Variants in TTI1 observed in about 807,000 individuals in gnomAD.
TTI1 encodes the protein TELO2-interacting protein 1 homolog.
A neutral mutation model predicts 85.4 loss-of-function variants in TTI1; 52 were observed. That is an observed-to-expected ratio of 0.61 (90% CI 0.49 to 0.77). TTI1 has a LOEUF of 0.77. Ranked by LOEUF, TTI1 falls within the 30% of genes least tolerant of loss-of-function variation. The pLI is 0.00. For synonymous variants in TTI1, 512 were observed against 503.9 expected (o/e 1.02, Z -0.22); for missense variants, 1,173 against 1,296.0 (o/e 0.91, Z 1.46).
In TTI1 at chr20:37,983,519, C is replaced by G. The variant is rs748670710; in HGVS notation, c.3207G>C (p.Gly1069=). 8.1e-6 allele frequency: 13 copies of G among 1,611,316 alleles called. No individual in the cohort carries two copies. The highest frequency in any genetic ancestry group is 1.1e-5 in the Non-Finnish European group (13 of 1,179,434). Residue 1069 remains glycine, a synonymous_variant, in exon 8 of 8, where the codon GGG becomes GGC. Transcript: ENST00000373447. The part of the protein sequence containing the change: ...HPSLHPVQLH[G]ASGQQNPYTT... ...TGTAGGGGTTCTGCTGCCCGCTGGCCCCGTGCAGCTGCACAGGGTGGAGGC... is the reference window on the plus strand; with the variant it reads ...TGTAGGGGTTCTGCTGCCCGCTGGCGCCGTGCAGCTGCACAGGGTGGAGGC...
intron 1 of TTI1, among the ~76,000 whole-genome samples, chr20:38,030,211 G>A (rs916894157): frequency 5.3e-5 from 8 of 151,596 alleles, no homozygotes; most frequent in Non-Finnish European, 8.8e-5. Flanking sequence ...AAAGGAAGAA[G>A]GGAAGGAAGG....
intron 4 of TTI1, among the ~76,000 whole-genome samples, chr20:38,000,677 A>G (rs1374480300): frequency 6.6e-6 from 1 of 152,232 alleles, no homozygotes; most frequent in Non-Finnish European, 1.5e-5. Context: ...GCCAGGGAGT[A>G]AGAGAAAGCT....
intron 1 of TTI1, among the ~76,000 whole-genome samples, chr20:38,026,395 G>C (rs1367095249): frequency 2.0e-5 from 3 of 152,170 alleles, no homozygotes; most frequent in Non-Finnish European, 2.9e-5. Context: ...CTGGCCTCAA[G>C]TGATCCACCC....
At chr20:38,026,436 G>A (rs769097121) in intron 1 of TTI1, among the ~76,000 whole-genome samples, 3 of 152,182 alleles carry the variant, frequency 2.0e-5, no homozygotes, top group Non-Finnish European at 4.4e-5. Context: ...TGGGATTACA[G>A]TGTGAGCCAC....
At chr20:38,015,118 GA>G (rs1476078314) in intron 1 of TTI1, among the ~76,000 whole-genome samples, 14 of 152,132 alleles carry the variant, frequency 9.2e-5, no homozygotes, top group Admixed American at 8.5e-4. Context: ...GAACACTCCC[GA>G]ACTCGGTGGC....
rs748816973 is a variant in TTI1 at position 37,983,429 on chromosome 20, G to A, written c.*27C>T. Reference sequence around the variant, plus strand: ...TCTGGCTGGCAGTAGGGGAGGGATCGGTGGCCTCTGTGGTGGGGGAGCAGG... The same window carrying A: ...TCTGGCTGGCAGTAGGGGAGGGATCAGTGGCCTCTGTGGTGGGGGAGCAGG... On this transcript the variant is annotated 3_prime_UTR_variant, in exon 8 of 8. Transcript: ENST00000373447. 1.9e-5 allele frequency: 30 copies of A among 1,602,422 alleles called. No individual in the cohort carries two copies. In the Admixed American group the frequency reaches 4.2e-4, roughly 23 times the overall value.
intron 1 of TTI1, among the ~76,000 whole-genome samples, chr20:38,020,323 A>AAATATATATATATATATATATATAT: frequency 7.9e-5 from 4 of 50,390 alleles, no homozygotes; most frequent in African/African-American, 2.7e-4. Context: ...AAAAAAAAAA[A>AAATATATATATATATATATATATAT]ATATATATAT....
At chr20:38,025,493 C>T (rs544187358) in intron 1 of TTI1, among the ~76,000 whole-genome samples, 6 of 151,598 alleles carry the variant, frequency 4.0e-5, no homozygotes, top group East Asian at 1.9e-4. Context: ...CACTTGAACC[C>T]GGAAGGTGGA....
rs187938494 is a variant in TTI1 at position 38,032,244 on chromosome 20, T to C, written c.-42+1160A>G. 1.4e-3 allele frequency among the ~76,000 whole-genome samples: 215 copies of C among 152,362 alleles called. 1 individual carries two copies. Among genetic ancestry groups the C allele is most frequent in the Admixed American group, 2.4e-3 (36 of 15,304 alleles). On this transcript the variant is annotated intron_variant, in intron 1 of 7. Transcript: ENST00000373447. ...TTGTTGTGAGGATTAAATGAGTTAC[T>C]GTGTGGGAATTGTGTCTAGCACATA... is the stretch of plus-strand genomic sequence containing the variant.
chr20:38,006,644 C>T (rs1341635100), intron 2 of TTI1, among the ~76,000 whole-genome samples: 4 of 152,214 alleles, frequency 2.6e-5, no homozygotes, highest in Non-Finnish European at 5.9e-5. Flanking sequence ...CCATCTACTT[C>T]ACATCTGGTT....
chr20:38,017,774 C>G (rs1430908418), intron 1 of TTI1, among the ~76,000 whole-genome samples: 1 of 152,098 alleles, frequency 6.6e-6, no homozygotes, highest in Non-Finnish European at 1.5e-5. Context: ...TAGTGGTAGG[C>G]TAAATAACTA....
At chr20:37,988,454 A>C (rs1315736282) in intron 7 of TTI1, among the ~76,000 whole-genome samples, 1 of 152,220 alleles carries the variant, frequency 6.6e-6, no homozygotes, top group African/African-American at 2.4e-5. Flanking sequence ...TCAAAGAGAG[A>C]TCTAGAAAAC....
chr20:38,014,323 T>C (rs2073649906), intron 1 of TTI1, among the ~76,000 whole-genome samples: 2 of 152,234 alleles, frequency 1.3e-5, no homozygotes, highest in African/African-American at 2.4e-5. Flanking sequence ...TATAGAACAA[T>C]GTAACCACTT....
chr20:37,995,284 G>A (rs897203751), intron 7 of TTI1, among the ~76,000 whole-genome samples: 2 of 152,190 alleles, frequency 1.3e-5, no homozygotes, highest in African/African-American at 4.8e-5. Context: ...AAACAGCAAA[G>A]GACAATAAAT....
At position 38,017,004 on chromosome 20, in the gene TTI1, T is replaced by C. The variant is rs112121624; in HGVS notation, c.-41-3147A>G. ...CTAACCTGCAATCATGTAAAATTTA[T>C]AAAACTTGCAATTTTCTAAACAGGT... is the stretch of plus-strand genomic sequence containing the variant. On this transcript the variant is annotated intron_variant, in intron 1 of 7. Transcript: ENST00000373447. Among the ~76,000 whole-genome samples, 1,287 of 152,344 alleles carry C rather than the reference T, an allele frequency of 8.4e-3. 18 individuals are homozygous for C. The highest frequency in any genetic ancestry group is 0.029 in the African/African-American group (1,226 of 41,576).
chr20:37,988,500 CTG>C (rs1309686862), intron 7 of TTI1, among the ~76,000 whole-genome samples: 2 of 152,232 alleles, frequency 1.3e-5, no homozygotes, highest in African/African-American at 4.8e-5. Context: ...GCTAAATAAA[CTG>C]TAACTGAAAT....
Position 37,996,965 on chromosome 20 carries a change from G to A in TTI1, c.2794-12C>T, listed in dbSNP as rs1403871777. On this transcript the variant is annotated splice_polypyrimidine_tract_variant and intron_variant, in intron 5 of 7. Transcript: ENST00000373447. ...AGGGTACGTAAAACCTGCAGAAACA[G>A]CCTCCAACCTGGTGAGTGAACATTG... is the stretch of plus-strand genomic sequence containing the variant. The A allele has an allele frequency of 1.9e-6, 3 of 1,611,490 alleles. No homozygotes were observed. The highest frequency in any genetic ancestry group is 2.7e-5 in the African/African-American group (2 of 75,012).
chr20:38,007,710 T>G (rs1660165215), intron 2 of TTI1, among the ~76,000 whole-genome samples: 1 of 152,196 alleles, frequency 6.6e-6, no homozygotes, highest in Non-Finnish European at 1.5e-5. Flanking sequence ...AATCTCCTTT[T>G]CATCAAAGAG....
chr20:38,020,309 T>TAA lies in TTI1; in HGVS notation c.-41-6453_-41-6452insTT, dbSNP rs1568628803. 1.0e-3 allele frequency among the ~76,000 whole-genome samples: 48 copies of TAA among 46,688 alleles called. 2 individuals are homozygous for TAA. Among genetic ancestry groups the TAA allele is most frequent in the Admixed American group, 1.6e-3 (7 of 4,248 alleles). 30.6% of individuals were successfully genotyped at this position (46,688 alleles called of 152,430 possible). ...GTGCTATGTCACTTGGCTACTCATATGAAAAAAAAAAAAAATATATATATA... is the reference window on the plus strand; with the variant it reads ...GTGCTATGTCACTTGGCTACTCATATAAGAAAAAAAAAAAAAATATATATATA... On this transcript the variant is annotated intron_variant, in intron 1 of 7. Coordinates refer to ENST00000373447, the MANE Select transcript of TTI1 (RefSeq NM_001303457.2).
Sources: allele counts gnomAD v4.1 joint callset (sites outside exome capture counted in the v4.1 genomes callset), GRCh38; gene constraint gnomAD v4.1.1; transcripts MANE v1.5; gene names NCBI Gene and HGNC (gene_info 2026-07-23, HGNC 2026-07-21).